The following SDK1 variants were observed in gnomAD, a reference collection of about 807,000 sequenced individuals.
SDK1 encodes the protein protein sidekick-1.
SDK1 carries 157 observed loss-of-function variants against 245.5 expected under a neutral mutation model. The ratio of observed to expected loss-of-function variants is 0.64; its 90% CI spans 0.56 to 0.73. The LOEUF is 0.73. Ranked by LOEUF, SDK1 falls within the 30% of genes least tolerant of loss-of-function variation. The probability of loss-of-function intolerance (pLI) is 0.00; values close to 1 mark genes in which losing one functional copy is unlikely to be tolerated. For missense variants in SDK1, 3,583 were observed against 3,002.3 expected, an observed-to-expected ratio of 1.19 and a Z score of -4.52; for synonymous variants, 1,647 against 1,278.5, an observed-to-expected ratio of 1.29 and a Z score of -6.15.
chr7:3,988,453 C>T (rs1251400382), intron 14 of SDK1, among the ~76,000 whole-genome samples: 1 of 152,104 alleles, frequency 6.6e-6, no homozygotes, highest in African/African-American at 2.4e-5. Context: ...CTGAGATATA[C>T]CCAGACCAGG....
chr7:3,758,338 G>A (rs570436842), intron 4 of SDK1, among the ~76,000 whole-genome samples: 1 of 151,834 alleles, frequency 6.6e-6, no homozygotes, highest in East Asian at 1.9e-4. Flanking sequence ...TTTGTTTTTT[G>A]GAATTTTTCT....
intron 14 of SDK1, among the ~76,000 whole-genome samples, chr7:4,004,689 G>A (rs1184295275): frequency 6.6e-6 from 1 of 152,114 alleles, no homozygotes. Context: ...GTGTTTTAAA[G>A]GAAATTCCAG....
At chr7:3,911,799 C>T (rs145378279) in intron 5 of SDK1, among the ~76,000 whole-genome samples, 17 of 152,260 alleles carry the variant, frequency 1.1e-4, no homozygotes, top group African/African-American at 3.9e-4. Flanking sequence ...GCAGGCCCTG[C>T]CCTGGAGGAG....
At chr7:3,680,841 T>G (rs1487913194) in intron 4 of SDK1, among the ~76,000 whole-genome samples, 1 of 152,018 alleles carries the variant, frequency 6.6e-6, no homozygotes, top group Non-Finnish European at 1.5e-5. Context: ...ATTTATTTAT[T>G]TATTTATTTA....
chr7:4,055,099 A>C (rs1308494103), intron 19 of SDK1, among the ~76,000 whole-genome samples: 2 of 152,212 alleles, frequency 1.3e-5, no homozygotes, highest in Non-Finnish European at 1.5e-5. Context: ...GTATCAGAGT[A>C]ATATGGTCCC....
chr7:3,557,494 C>G (rs1298339274), intron 1 of SDK1, among the ~76,000 whole-genome samples: 2 of 152,154 alleles, frequency 1.3e-5, no homozygotes, highest in African/African-American at 4.8e-5. Flanking sequence ...TAGAAATGTT[C>G]AGTGTCTTGA....
intron 13 of SDK1, among the ~76,000 whole-genome samples, chr7:3,980,287 G>T (rs1444821056): frequency 6.6e-6 from 1 of 152,190 alleles, no homozygotes; most frequent in African/African-American, 2.4e-5. Flanking sequence ...CTCCCGTACT[G>T]TTGGGTTTCC....
chr7:3,338,988 T>C (rs1000378935), intron 1 of SDK1, among the ~76,000 whole-genome samples: 1 of 152,150 alleles, frequency 6.6e-6, no homozygotes, highest in Non-Finnish European at 1.5e-5. Context: ...ATATAGATGA[T>C]CTGAATACAC....
chr7:3,813,593 G>A (rs1375596070), intron 4 of SDK1, among the ~76,000 whole-genome samples: 1 of 150,794 alleles, frequency 6.6e-6, no homozygotes, highest in Admixed American at 6.6e-5. Context: ...TGTCTTTACA[G>A]CAGCATGCTT....
chr7:3,698,901 C>T (rs372053224), intron 4 of SDK1, among the ~76,000 whole-genome samples: 13 of 152,160 alleles, frequency 8.5e-5, no homozygotes, highest in African/African-American at 2.2e-4. Flanking sequence ...CTTCAAAATA[C>T]GAATCAGTTG....
At chr7:3,512,069 T>A (rs919529387) in intron 1 of SDK1, among the ~76,000 whole-genome samples, 9 of 151,974 alleles carry the variant, frequency 5.9e-5, no homozygotes, top group African/African-American at 1.9e-4. Context: ...CATCACAGTT[T>A]CCTACAGAGT....
At chr7:4,225,767 G>A (rs1315967625) in intron 40 of SDK1, among the ~76,000 whole-genome samples, 2 of 152,176 alleles carry the variant, frequency 1.3e-5, no homozygotes, top group African/African-American at 2.4e-5. Context: ...GTTGGGGCCA[G>A]TGTGTGGAAA....
intron 5 of SDK1, among the ~76,000 whole-genome samples, chr7:3,939,524 G>A (rs1780279409): frequency 6.6e-6 from 1 of 152,098 alleles, no homozygotes; most frequent in African/African-American, 2.4e-5. Context: ...ACAATAAAGT[G>A]CATCTCAGAA....
intron 19 of SDK1, among the ~76,000 whole-genome samples, chr7:4,056,508 A>C (rs755826874): frequency 6.6e-6 from 1 of 152,186 alleles, no homozygotes. Context: ...AGTGAAGTGC[A>C]GCAGCTCCTC....
In SDK1 at chr7:3,301,277, GGGC is replaced by G. The variant is rs540876108; in HGVS notation, c.-294_-292del. Among the ~76,000 whole-genome samples the G allele has an allele frequency of 0.033, 4,885 of 145,838 alleles. 277 individuals carry two copies. The highest frequency in any genetic ancestry group is 0.11 in the African/African-American group (4,607 of 40,316). On this transcript the variant is annotated 5_prime_UTR_variant, in exon 1 of 45. Coordinates refer to ENST00000404826, the MANE Select transcript of SDK1 (RefSeq NM_152744.4). ...GCACTTTCTTCTCAGCGCCGGGCGG[GGGC>G]GGCGGCGGCGGCGGCTCCTCCGCGC...
chr7:3,936,540 A>T (rs889817441), intron 5 of SDK1, among the ~76,000 whole-genome samples: 2 of 151,568 alleles, frequency 1.3e-5, no homozygotes, highest in African/African-American at 4.9e-5. Context: ...ACCCTAGATC[A>T]CGCCACAGCA....
intron 4 of SDK1, among the ~76,000 whole-genome samples, chr7:3,777,919 A>T (rs1269331428): frequency 6.6e-6 from 1 of 152,202 alleles, no homozygotes; most frequent in Admixed American, 6.5e-5. Context: ...CCTAATTATA[A>T]ACAATAAAAG....
In SDK1 at chr7:3,606,887, T is replaced by G. The variant is rs1320014281; in HGVS notation, c.299-12193T>G. Among the ~76,000 whole-genome samples, 5 of 152,076 alleles carry G rather than the reference T, an allele frequency of 3.3e-5. No homozygotes were observed. The East Asian group carries it at 7.7e-4, about 23-fold the overall frequency. ...AATCATAAACCAAAATAACACAACT[T>G]ATGAAAAAAGTTATGTACAACACTG... On this transcript the variant is annotated intron_variant, in intron 1 of 44. Coordinates refer to ENST00000404826, the MANE Select transcript of SDK1 (RefSeq NM_152744.4).
chr7:4,255,703 C>A (rs991925225), intron 44 of SDK1, among the ~76,000 whole-genome samples: 1 of 152,038 alleles, frequency 6.6e-6, no homozygotes, highest in Non-Finnish European at 1.5e-5. Context: ...ACTTTCCTCT[C>A]CAAGTTAAAT....
Sources: allele counts gnomAD v4.1 joint callset (sites outside exome capture counted in the v4.1 genomes callset), GRCh38; gene constraint gnomAD v4.1.1; transcripts MANE v1.5; gene names NCBI Gene and HGNC (gene_info 2026-07-23, HGNC 2026-07-21).